Variants in CCDC74B observed in about 807,000 individuals in gnomAD.
CCDC74B encodes the protein coiled-coil domain-containing protein 74B.
Under a neutral mutation model 38.0 loss-of-function variants are expected in CCDC74B, and 34 were observed. The ratio of observed to expected loss-of-function variants is 0.89; its 90% CI spans 0.68 to 1.19. The LOEUF (loss-of-function observed/expected upper bound fraction) is 1.19, where lower values mean the gene tolerates loss of function less well. Among genes scored for constraint, CCDC74B ranks in the 50% most tolerant of loss-of-function variants. The pLI is 0.00. For missense variants in CCDC74B, 358 were observed against 406.0 expected, an observed-to-expected ratio of 0.88 and a Z score of 1.02; for synonymous variants, 132 against 170.4, an observed-to-expected ratio of 0.77 and a Z score of 1.76.
At chr2:130,141,615 GC>G in intron 3 of CCDC74B, 1 of 451,898 alleles carries the variant, frequency 2.2e-6, no homozygotes, top group East Asian at 4.2e-5. Flanking sequence ...CAAGGACAAG[GC>G]CCGTCCAGCA....
chr2:130,141,563 T>C (rs1685630709), intron 3 of CCDC74B: 2 of 548,248 alleles, frequency 3.6e-6, no homozygotes, highest in Admixed American at 3.3e-5. Context: ...AAAATGAAAC[T>C]GCATGAGAGG....
chr2:130,140,922 T>C, intron 4 of CCDC74B: 1 of 490,680 alleles, frequency 2.0e-6, no homozygotes, highest in Non-Finnish European at 3.4e-6. Flanking sequence ...TGGGCTCAGG[T>C]CAGCACAGGT....
chr2:130,145,070 C>T lies in CCDC74B; in HGVS notation c.-74G>A. ...GGCCAGGCCGCCCTAGCCTGGCGCCCCGTCACCATGGAAACCGGGCGACGG... is the reference window on the plus strand; with the variant it reads ...GGCCAGGCCGCCCTAGCCTGGCGCCTCGTCACCATGGAAACCGGGCGACGG... On this transcript the variant is annotated 5_prime_UTR_variant, in exon 1 of 8. Transcript: ENST00000409943. 1 of 1,398,216 alleles carries T rather than the reference C, an allele frequency of 7.2e-7. No homozygotes were observed. Among genetic ancestry groups the T allele is most frequent in the Non-Finnish European group, 9.3e-7 (1 of 1,075,176 alleles). The allele number at this position is 1,398,216 out of a possible 1,614,324, so 86.6% of individuals were successfully genotyped here.
At chr2:130,144,543 A>AG in intron 1 of CCDC74B, 1 of 1,550,488 alleles carries the variant, frequency 6.4e-7, no homozygotes, top group Non-Finnish European at 8.7e-7. Context: ...ACAGGCAGAC[A>AG]GGTTCGGCAC....
intron 2 of CCDC74B, chr2:130,142,790 T>C: frequency 3.9e-6 from 6 of 1,549,496 alleles, no homozygotes; most frequent in Non-Finnish European, 5.2e-6. Flanking sequence ...AGGACTCTGC[T>C]TCCTCCCTTT....
In CCDC74B at chr2:130,140,257, C is replaced by T. The variant is rs146341868; in HGVS notation, c.600G>A (p.Leu200=). 82 of 1,613,312 alleles carry T rather than the reference C, an allele frequency of 5.1e-5. No individual in the cohort carries two copies. The African/African-American group carries it at 1.1e-3, about 21-fold the overall frequency. ...ACTGCCTAAGTGTGGTGGGCTTTCGCAGGGGAAGGGGCAGGATCATTGGGG... is the reference window on the plus strand; with the variant it reads ...ACTGCCTAAGTGTGGTGGGCTTTCGTAGGGGAAGGGGCAGGATCATTGGGG... ...AHPPMILPLP[L]RKPTTLRQCE... The change falls in exon 5 of 8, where the codon CTG becomes CTA. Residue 200 remains leucine, a synonymous_variant. Coordinates refer to ENST00000409943, the MANE Select transcript of CCDC74B (RefSeq NM_001258307.2).
chr2:130,144,417 G>C, intron 1 of CCDC74B: 1 of 1,095,570 alleles, frequency 9.1e-7, no homozygotes, highest in Non-Finnish European at 1.4e-6. Context: ...GGAATTACAG[G>C]CGTGAGCCGC....
chr2:130,139,435 A>T lies in CCDC74B; in HGVS notation c.*120T>A. The T allele has an allele frequency of 8.1e-7, 1 of 1,232,532 alleles. No individual in the cohort carries two copies. The highest frequency in any genetic ancestry group is 1.1e-6 in the Non-Finnish European group (1 of 895,716). The allele number at this position is 1,232,532 out of a possible 1,614,324, so 76.3% of individuals were successfully genotyped here. On this transcript the variant is annotated 3_prime_UTR_variant, in exon 8 of 8. Coordinates refer to ENST00000409943, the MANE Select transcript of CCDC74B (RefSeq NM_001258307.2). ...GAGATCAAGTACTTTATCTATCTTG[A>T]GTGTTATCTATCTTGGAATTTAGCC...
chr2:130,141,169 T>G lies in CCDC74B; in HGVS notation c.474A>C (p.Gln158His). 6.2e-7 allele frequency: 1 copy of G among 1,612,852 alleles called. No individual in the cohort carries two copies. Among genetic ancestry groups the G allele is most frequent in the Non-Finnish European group, 8.5e-7 (1 of 1,179,300 alleles). Residue 158 changes from glutamine to histidine, a missense_variant, in exon 4 of 8, where the codon CAA (glutamine) becomes CAC (histidine). By Grantham distance (24) the Gln-to-His change is conservative. Around this residue, in one of 3 missense-constraint regions of CCDC74B, gnomAD observed 213 missense variants for 212.3 expected, o/e 1.00. Coordinates refer to ENST00000409943, the MANE Select transcript of CCDC74B (RefSeq NM_001258307.2). ...NSKLDKVPGV[Q>H]GQARKEKAEA... is the part of the protein sequence containing the mutation. ...CACCCAAGCCTTACCTGGCCTGCCC[T>G]TGTACCCCAGGAACCTTGTCCAGCT...
chr2:130,143,632 A>G (rs1440217477), intron 1 of CCDC74B, among the ~76,000 whole-genome samples: 1 of 152,140 alleles, frequency 6.6e-6, no homozygotes, highest in African/African-American at 2.4e-5. Flanking sequence ...ATCCCTGGCT[A>G]TGGCGGTGTC....
At position 130,144,917 on chromosome 2, in the gene CCDC74B, GGGCGCT is replaced by G. The variant is rs772618644; in HGVS notation, c.74_79del (p.Gln25_Arg26del). On this transcript the variant is annotated inframe_deletion, in exon 1 of 8. Coordinates refer to ENST00000409943, the MANE Select transcript of CCDC74B (RefSeq NM_001258307.2). Reference sequence around the variant, plus strand: ...CCTCAAGGACTGGACGCCCACAGAGGGGCGCTGGCGCCGGCGCCGAGAGCCCGGGGT... The same window carrying G: ...CCTCAAGGACTGGACGCCCACAGAGGGGCGCCGGCGCCGAGAGCCCGGGGT... The G allele has an allele frequency of 5.0e-5, 78 of 1,557,776 alleles. No homozygotes were observed. The African/African-American group carries it at 8.1e-4, about 16-fold the overall frequency.
At chr2:130,141,759 G>A in intron 3 of CCDC74B, 1 of 420,044 alleles carries the variant, frequency 2.4e-6, no homozygotes, top group Non-Finnish European at 4.3e-6. Flanking sequence ...GGGCTCCGTG[G>A]GCAGTGCCAT....
At position 130,141,826 on chromosome 2, in the gene CCDC74B, G is replaced by A. The variant is rs944354174; in HGVS notation, c.346+307C>T. The A allele has an allele frequency of 1.7e-4, 96 of 551,170 alleles. No individual in the cohort carries two copies. The Middle Eastern group carries it at 2.0e-3, about 11-fold the overall frequency. 34.1% of individuals were successfully genotyped at this position (551,170 alleles called of 1,614,324 possible). A position where few individuals can be genotyped will look rare whatever the true frequency, so the allele number is the denominator to read the frequency against. ...ACACGGCCAAGCAGGGCTGCTGCTG[G>A]GCAGCCAGGGTACGTCCTCCCTAGG... On this transcript the variant is annotated intron_variant, in intron 3 of 7. Transcript: ENST00000409943.
At chr2:130,140,399 G>A (rs1558719840) in intron 4 of CCDC74B, 28 bp from the exon 5 acceptor site, 1 of 1,532,906 alleles carries the variant, frequency 6.5e-7, no homozygotes, top group African/African-American at 1.4e-5. Context: ...GCAGCCAGAG[G>A]TGACCTGCCC....
intron 1 of CCDC74B, among the ~76,000 whole-genome samples, 187 bp from the exon 2 acceptor site, chr2:130,143,500 C>A (rs1685808890): frequency 6.6e-6 from 1 of 152,094 alleles, no homozygotes; most frequent in South Asian, 2.1e-4. Flanking sequence ...CAGGAGTGGC[C>A]CCTGCCTGTT....
In CCDC74B at chr2:130,139,520, G is replaced by T; in HGVS notation, c.*35C>A. 6.2e-7 allele frequency: 1 copy of T among 1,608,868 alleles called. No homozygotes were observed. The highest frequency in any genetic ancestry group is 1.1e-5 in the South Asian group (1 of 90,864). Reference sequence around the variant, plus strand: ...ATAGAGAGCCAATCTCCAGCTGCAGGTTGGTGGGCCTGGCACTGACCAGAT... The same window carrying T: ...ATAGAGAGCCAATCTCCAGCTGCAGTTTGGTGGGCCTGGCACTGACCAGAT... On this transcript the variant is annotated 3_prime_UTR_variant, in exon 8 of 8. Transcript: ENST00000409943.
In CCDC74B at chr2:130,144,772, G is replaced by T. The variant is rs1357022623; in HGVS notation, c.225C>A (p.Ile75=). Residue 75 remains isoleucine (I), a synonymous_variant, in exon 1 of 8, where the codon ATC becomes ATA. Coordinates refer to ENST00000409943, the MANE Select transcript of CCDC74B (RefSeq NM_001258307.2). ...CCTTGTTTTCCCGCTTCAGATGCTC[G>T]ATCTCCTCATGGAGCTTGGCCAGCA... ...SEMLAKLHEE[I]EHLKRENKDL... 1 of 1,611,000 alleles carries T rather than the reference G, an allele frequency of 6.2e-7. No individual in the cohort carries two copies. The highest frequency in any genetic ancestry group is 8.5e-7 in the Non-Finnish European group (1 of 1,179,696).
Position 130,139,439 on chromosome 2 carries a change from T to C in CCDC74B, c.*116A>G. 1.6e-6 allele frequency: 2 copies of C among 1,285,098 alleles called. No individual in the cohort carries two copies. Among genetic ancestry groups the C allele is most frequent in the Non-Finnish European group, 1.1e-6 (1 of 939,752 alleles). The allele number at this position is 1,285,098 out of a possible 1,614,324, so 79.6% of individuals were successfully genotyped here. On this transcript the variant is annotated 3_prime_UTR_variant, in exon 8 of 8. Coordinates refer to ENST00000409943, the MANE Select transcript of CCDC74B (RefSeq NM_001258307.2). The stretch of plus-strand genomic sequence containing the variant: ...TCAAGTACTTTATCTATCTTGAGTG[T>C]TATCTATCTTGGAATTTAGCCAGGC...
In CCDC74B at chr2:130,144,739, C is replaced by T. The variant is rs557449763; in HGVS notation, c.250+8G>A. ...GCAGGGCCGGCCTAGGGCCCCGCGC[C>T]GGCTCACCCTTGTTTTCCCGCTTCA... is the stretch of plus-strand genomic sequence containing the variant. On this transcript the variant is annotated splice_region_variant and intron_variant, in intron 1 of 7. Transcript: ENST00000409943. 3.1e-6 allele frequency: 5 copies of T among 1,611,248 alleles called. No individual in the cohort carries two copies. Among genetic ancestry groups the T allele is most frequent in the Non-Finnish European group, 4.2e-6 (5 of 1,179,156 alleles).
Sources: gnomAD v4.1 joint callset for allele counts (sites outside exome capture counted in the v4.1 genomes callset) on GRCh38, gnomAD v4.1.1 for gene constraint, gnomAD v4.1.1 regional missense constraint, MANE v1.5 for transcripts, NCBI Gene and HGNC (gene_info 2026-07-23, HGNC 2026-07-21) for gene names.